The following DENND1B variants were observed in gnomAD, a reference collection of about 807,000 sequenced individuals.
The protein encoded by DENND1B is DENN domain-containing protein 1B.
DENND1B carries 59 observed loss-of-function variants against 90.1 expected under a neutral mutation model. The observed-to-expected ratio is 0.65, with a 90% CI of 0.53 to 0.81. The LOEUF (loss-of-function observed/expected upper bound fraction) is 0.81, where lower values mean the gene tolerates loss of function less well. Ranked by LOEUF, DENND1B falls within the 40% of genes least tolerant of loss-of-function variation. The probability of loss-of-function intolerance (pLI) is 0.00; values close to 1 mark genes in which losing one functional copy is unlikely to be tolerated. For synonymous variants in DENND1B, 337 were observed against 324.6 expected (o/e 1.04, Z -0.41); for missense variants, 862 against 912.6 (o/e 0.94, Z 0.71).
At position 197,545,502 on chromosome 1, in the gene DENND1B, C is replaced by A. The variant is rs551302603; in HGVS notation, c.1350+420G>T. On this transcript the variant is annotated intron_variant, in intron 18 of 22. Transcript: ENST00000620048. Reference sequence around the variant, plus strand: ...GTTGGACAAACTTGCCTTGGAGACTCACTGAAGAATGTTAATAAACAGTCA... The same window carrying A: ...GTTGGACAAACTTGCCTTGGAGACTAACTGAAGAATGTTAATAAACAGTCA... 7.6e-5 allele frequency: 13 copies of A among 171,796 alleles called. No homozygotes were observed. In the South Asian group the frequency reaches 1.7e-3, roughly 23 times the overall value. The allele number at this position is 171,796 out of a possible 1,614,324, so 10.6% of individuals were successfully genotyped here.
chr1:197,735,372 A>T, intron 2 of DENND1B: 1 of 1,365,928 alleles, frequency 7.3e-7, no homozygotes, highest in Non-Finnish European at 9.5e-7. Flanking sequence ...TGGCAATTAA[A>T]CTAAATAAAA....
At chr1:197,659,908 A>ATATC (rs1337585948) in intron 5 of DENND1B, among the ~76,000 whole-genome samples, 3 of 152,054 alleles carry the variant, frequency 2.0e-5, no homozygotes, top group Non-Finnish European at 4.4e-5. Context: ...CAACCACCAG[A>ATATC]TATTTGAGGA....
chr1:197,559,274 T>C (rs559818208), intron 15 of DENND1B, among the ~76,000 whole-genome samples: 2 of 152,104 alleles, frequency 1.3e-5, no homozygotes, highest in South Asian at 2.1e-4. Context: ...TAGTATCATT[T>C]TAAAAGAAAT....
chr1:197,597,709 C>T (rs959909172), intron 13 of DENND1B, among the ~76,000 whole-genome samples: 1 of 151,772 alleles, frequency 6.6e-6, no homozygotes, highest in Admixed American at 6.6e-5. Flanking sequence ...CATAAATATG[C>T]AGCCTTCACT....
chr1:197,572,410 C>T (rs1673250256), intron 15 of DENND1B, among the ~76,000 whole-genome samples: 2 of 152,148 alleles, frequency 1.3e-5, no homozygotes, highest in African/African-American at 4.8e-5. Flanking sequence ...ATAAAGGGGC[C>T]GGGAAGCTCG....
At chr1:197,657,223 C>A (rs904059190) in intron 6 of DENND1B, among the ~76,000 whole-genome samples, 2 of 152,086 alleles carry the variant, frequency 1.3e-5, no homozygotes, top group African/African-American at 4.8e-5. Context: ...GATTCAACAA[C>A]AAAAAACGCA....
At chr1:197,565,149 A>G (rs921360181) in intron 15 of DENND1B, among the ~76,000 whole-genome samples, 3 of 152,110 alleles carry the variant, frequency 2.0e-5, no homozygotes, top group Non-Finnish European at 4.4e-5. Flanking sequence ...TAGATTACAT[A>G]CCATGAATCA....
chr1:197,777,220 A>G (rs1657314359), upstream of DENND1B, among the ~76,000 whole-genome samples: 1 of 152,164 alleles, frequency 6.6e-6, no homozygotes, highest in African/African-American at 2.4e-5. Flanking sequence ...GGGTGACCAT[A>G]TTGAGGACTT....
chr1:197,744,214 A>G (rs993964734), intron 2 of DENND1B, among the ~76,000 whole-genome samples: 2 of 152,154 alleles, frequency 1.3e-5, no homozygotes, highest in Non-Finnish European at 2.9e-5. Context: ...TCTTAATGAC[A>G]TCTAGAATGG....
At chr1:197,546,052 AG>A in intron 17 of DENND1B, 62 bp from the exon 18 acceptor site, 1 of 1,359,684 alleles carries the variant, frequency 7.4e-7, no homozygotes, top group Non-Finnish European at 1.0e-6. Context: ...CTGAAAACAA[AG>A]TATTACAGTA....
chr1:197,644,592 G>T, intron 9 of DENND1B, among the ~76,000 whole-genome samples: 1 of 151,766 alleles, frequency 6.6e-6, no homozygotes, highest in Non-Finnish European at 1.5e-5. Flanking sequence ...GGCCTACAGT[G>T]TACAGCAGTC....
At chr1:197,607,873 C>T (rs1198407846) in intron 12 of DENND1B, among the ~76,000 whole-genome samples, 2 of 150,620 alleles carry the variant, frequency 1.3e-5, no homozygotes, top group Non-Finnish European at 3.0e-5. Flanking sequence ...TCATAGTTTT[C>T]ATCCTTAAAG....
At chr1:197,608,107 C>A (rs1327427486) in intron 12 of DENND1B, among the ~76,000 whole-genome samples, 1 of 150,508 alleles carries the variant, frequency 6.6e-6, no homozygotes, top group African/African-American at 2.4e-5. Context: ...CAATAATAGT[C>A]ATTTTTGAAA....
chr1:197,771,521 A>AG (rs1449614484), intron 2 of DENND1B, among the ~76,000 whole-genome samples: 1 of 152,208 alleles, frequency 6.6e-6, no homozygotes, highest in Non-Finnish European at 1.5e-5. Flanking sequence ...ACCTGACCAC[A>AG]GCTGCAGTTC....
intron 10 of DENND1B, among the ~76,000 whole-genome samples, chr1:197,636,572 T>C (rs534448261): frequency 1.3e-5 from 2 of 152,312 alleles, no homozygotes; most frequent in African/African-American, 4.8e-5. Flanking sequence ...CTACCGTGGA[T>C]AACAACTGTA....
chr1:197,511,867 G>A lies in DENND1B; in HGVS notation c.1676C>T (p.Thr559Ile). Residue 559 changes from threonine (T) to isoleucine (I), a missense_variant, in exon 22 of 23, where the codon ACT becomes ATT. Transcript: ENST00000620048. ...TAAGTCCATTTCACCTGAGTAAGGA[G>A]TCTTCACTCTTGTTTCAACAGAGTC... The part of the protein sequence containing the change: ...SDDSVETRVK[T>I]PYSGEMDLLG... 1.2e-6 allele frequency: 2 copies of A among 1,611,446 alleles called. No individual in the cohort carries two copies. The highest frequency in any genetic ancestry group is 1.7e-6 in the Non-Finnish European group (2 of 1,178,268).
intron 2 of DENND1B, among the ~76,000 whole-genome samples, chr1:197,745,620 A>ATATATATATATATATTT (rs1663653985): frequency 1.0e-5 from 1 of 96,162 alleles, no homozygotes; most frequent in Non-Finnish European, 2.1e-5. Flanking sequence ...TATATATTAT[A>ATATATATATATATATTT]TATATATATA....
intron 5 of DENND1B, among the ~76,000 whole-genome samples, chr1:197,669,751 ACTT>A (rs1241104481): frequency 6.6e-6 from 1 of 152,076 alleles, no homozygotes; most frequent in East Asian, 1.9e-4. Context: ...GACACCTCCT[ACTT>A]CTTATCTACC....
At chr1:197,736,145 T>TAAA in intron 2 of DENND1B, 11 of 502,486 alleles carry the variant, frequency 2.2e-5, no homozygotes, top group South Asian at 5.6e-5. Flanking sequence ...ATATTGGACT[T>TAAA]AAAAAAAAAA....
Sources: gnomAD v4.1 joint callset for allele counts (sites outside exome capture counted in the v4.1 genomes callset) on GRCh38, gnomAD v4.1.1 for gene constraint, MANE v1.5 for transcripts, NCBI Gene and HGNC (gene_info 2026-07-23, HGNC 2026-07-21) for gene names.